Variants in KIF5C observed in about 807,000 individuals in gnomAD.
KIF5C encodes kinesin family member 5C, also known as kinesin heavy chain isoform 5C.
Under a neutral mutation model 125.2 loss-of-function variants are expected in KIF5C, and 18 were observed. The observed-to-expected ratio is 0.14, with a 90% CI of 0.10 to 0.21. The LOEUF is 0.21. Ranked by LOEUF, KIF5C falls within the 10% of genes least tolerant of loss-of-function variation. The pLI is 1.00. For missense variants in KIF5C, 780 were observed against 1,183.8 expected (o/e 0.66, Z 5.01); for synonymous variants, 405 against 434.0 (o/e 0.93, Z 0.83).
At chr2:148,986,355 A>T (rs1227834238) in intron 15 of KIF5C, among the ~76,000 whole-genome samples, 1 of 152,160 alleles carries the variant, frequency 6.6e-6, no homozygotes. Context: ...CATTTCTATC[A>T]TTCTGGTTTT....
intron 1 of KIF5C, among the ~76,000 whole-genome samples, chr2:148,881,715 A>T (rs1681360820): frequency 6.6e-6 from 1 of 151,192 alleles, no homozygotes; most frequent in African/African-American, 2.5e-5. Context: ...TTTAGTCCTT[A>T]CCTCTAAATC....
chr2:148,902,126 CT>C (rs1231631716), intron 1 of KIF5C, among the ~76,000 whole-genome samples: 9 of 152,134 alleles, frequency 5.9e-5, no homozygotes, highest in Non-Finnish European at 1.5e-5. Flanking sequence ...GAAATCCTTT[CT>C]TTCCCCTCCT....
At chr2:148,933,932 CAT>C (rs1210812089) in intron 3 of KIF5C, among the ~76,000 whole-genome samples, 2 of 150,054 alleles carry the variant, frequency 1.3e-5, no homozygotes, top group African/African-American at 4.9e-5. Flanking sequence ...CACACACAAA[CAT>C]GTACACACCA....
In KIF5C at chr2:148,876,708, G is replaced by C. The variant is rs1041192358; in HGVS notation, c.126+965G>C. ...TGGATTGTAGTTCTTAAAGGAATCT[G>C]TCAGATGAAACAAACCAGCTCGGTC... On this transcript the variant is annotated intron_variant, in intron 1 of 25. Transcript: ENST00000435030. This position sits in a 1 kb window ranked among gnomAD's most constrained non-coding sequence, Gnocchi z 4.7. 1.3e-5 allele frequency among the ~76,000 whole-genome samples: 2 copies of C among 152,134 alleles called. No homozygotes were observed. Among genetic ancestry groups the C allele is most frequent in the African/African-American group, 4.8e-5 (2 of 41,412 alleles).
intron 5 of KIF5C, 75 bp downstream of exon 5, chr2:148,941,733 T>C (rs1321829896): frequency 6.6e-7 from 1 of 1,521,468 alleles, no homozygotes; most frequent in African/African-American, 1.4e-5. Context: ...TTTATCACAC[T>C]TCTGCTTAAG....
At chr2:148,986,987 A>C (rs1681395811) in intron 15 of KIF5C, among the ~76,000 whole-genome samples, 1 of 152,254 alleles carries the variant, frequency 6.6e-6, no homozygotes. Flanking sequence ...AACTGTCAAC[A>C]GAAGTATGAT....
intron 4 of KIF5C, 61 bp downstream of exon 4, chr2:148,937,449 C>G (rs1015842744): frequency 6.6e-7 from 1 of 1,516,480 alleles, no homozygotes; most frequent in African/African-American, 1.4e-5. Flanking sequence ...TTTCTTATAC[C>G]TCCTCCTTTC....
intron 1 of KIF5C, chr2:148,878,717 G>A (rs976397780): frequency 1.3e-5 from 2 of 152,230 alleles, no homozygotes; most frequent in East Asian, 3.8e-4. Context: ...GGAGCCGGCT[G>A]ACATGGCTCA....
chr2:148,945,907 T>G (rs954274045), intron 7 of KIF5C, among the ~76,000 whole-genome samples: 9 of 152,272 alleles, frequency 5.9e-5, no homozygotes, highest in African/African-American at 2.2e-4. Context: ...TAGATTGCTT[T>G]GGGTAATACT....
At chr2:148,947,264 GC>G in intron 8 of KIF5C, 1 of 517,094 alleles carries the variant, frequency 1.9e-6, no homozygotes, top group East Asian at 3.6e-5. Context: ...TCCCTGATGG[GC>G]CCTTATGATG....
At chr2:148,977,492 T>A (rs947670224) in intron 12 of KIF5C, among the ~76,000 whole-genome samples, 1 of 152,246 alleles carries the variant, frequency 6.6e-6, no homozygotes, top group African/African-American at 2.4e-5. Flanking sequence ...TCGTTACTGG[T>A]AACTGACGTG....
chr2:148,995,377 C>T (rs772631940), intron 17 of KIF5C, among the ~76,000 whole-genome samples: 7 of 152,230 alleles, frequency 4.6e-5, no homozygotes, highest in Admixed American at 2.0e-4. Context: ...CTTGAACAAG[C>T]TCTACCCTTT....
At chr2:148,938,935 A>AG (rs1226265211) in intron 4 of KIF5C, among the ~76,000 whole-genome samples, 2 of 151,714 alleles carry the variant, frequency 1.3e-5, no homozygotes, top group East Asian at 3.9e-4. Flanking sequence ...AAAAAAAAAA[A>AG]TACAAAAAAA....
chr2:148,945,698 C>T (rs1002229153), intron 7 of KIF5C, among the ~76,000 whole-genome samples: 5 of 152,166 alleles, frequency 3.3e-5, no homozygotes, highest in African/African-American at 4.8e-5. Flanking sequence ...TCTTATCCCT[C>T]ACCCTACTCC....
At chr2:148,993,277 T>A (rs79879193) in intron 16 of KIF5C, among the ~76,000 whole-genome samples, 9,369 of 152,280 alleles carry the variant, frequency 0.062, 373 homozygotes, top group Middle Eastern at 0.14. Flanking sequence ...AGACTGACAC[T>A]GACTTTGCTG....
intron 10 of KIF5C, among the ~76,000 whole-genome samples, chr2:148,959,969 T>C (rs1034491400): frequency 2.0e-5 from 3 of 152,222 alleles, no homozygotes; most frequent in Admixed American, 1.3e-4. Context: ...AGGGTAGTAA[T>C]GGCTCCCCAG....
intron 12 of KIF5C, among the ~76,000 whole-genome samples, chr2:148,974,634 A>G (rs1163092768): frequency 1.3e-5 from 2 of 152,200 alleles, no homozygotes; most frequent in East Asian, 1.9e-4. Context: ...ATTTCTATCT[A>G]TGTATTTTAT....
intron 1 of KIF5C, among the ~76,000 whole-genome samples, chr2:148,900,985 A>T (rs1164569151): frequency 6.6e-6 from 1 of 151,840 alleles, no homozygotes; most frequent in African/African-American, 2.4e-5. Flanking sequence ...AATACAAAAA[A>T]CCCCAACAAA....
intron 11 of KIF5C, among the ~76,000 whole-genome samples, chr2:148,972,442 G>C (rs555317186): frequency 6.6e-6 from 1 of 152,308 alleles, no homozygotes; most frequent in Admixed American, 6.5e-5. Flanking sequence ...AAGATATTTG[G>C]GAGACTCAGT....
Sources: allele counts gnomAD v4.1 joint callset (sites outside exome capture counted in the v4.1 genomes callset), GRCh38; gene constraint gnomAD v4.1.1; non-coding constraint Gnocchi (gnomAD v3.1); transcripts MANE v1.5; gene names NCBI Gene and HGNC (gene_info 2026-07-23, HGNC 2026-07-21).